Variants in SGPP2 observed in about 807,000 individuals in gnomAD.
SGPP2 encodes the protein sphingosine 1-phosphate phosphohydrolase 2.
Under a neutral mutation model 33.9 loss-of-function variants are expected in SGPP2, and 30 were observed. The ratio of observed to expected loss-of-function variants is 0.89; its 90% CI spans 0.66 to 1.20. The LOEUF is 1.20. SGPP2 is among the 50% of genes most tolerant of loss of function. The pLI is 0.00. For missense variants in SGPP2, 458 were observed against 532.1 expected (o/e 0.86, Z 1.37); for synonymous variants, 233 against 225.0 (o/e 1.04, Z -0.32).
chr2:222,561,937 C>T lies in SGPP2; in HGVS notation c.*3039C>T, dbSNP rs1338349820. ...TGTTAAATCCTCTCTCTGTCTCAGA[C>T]CATTGCTTGCCCCTTCAAAGGGTAT... On this transcript the variant is annotated 3_prime_UTR_variant, in exon 5 of 5. Transcript: ENST00000321276. Among the ~76,000 whole-genome samples, 1 of 152,094 alleles carries T rather than the reference C, an allele frequency of 6.6e-6. No homozygotes were observed. The highest frequency in any genetic ancestry group is 2.4e-5 in the African/African-American group (1 of 41,406).
At chr2:222,473,608 G>T (rs771485046) in intron 1 of SGPP2, among the ~76,000 whole-genome samples, 64 of 152,286 alleles carry the variant, frequency 4.2e-4, no homozygotes, top group Non-Finnish European at 7.2e-4. Flanking sequence ...GGATAGCACA[G>T]TAGGGTGACT....
intron 2 of SGPP2, among the ~76,000 whole-genome samples, chr2:222,500,886 C>T (rs1207082451): frequency 6.6e-6 from 1 of 152,202 alleles, no homozygotes; most frequent in Non-Finnish European, 1.5e-5. Context: ...GGTGCTTCCC[C>T]CTACGTGTGT....
intron 1 of SGPP2, among the ~76,000 whole-genome samples, chr2:222,440,352 GT>G (rs11447582): frequency 1.3e-5 from 2 of 149,632 alleles, no homozygotes; most frequent in Non-Finnish European, 3.0e-5. Flanking sequence ...TTTTGTTTTT[GT>G]TTTTTTTTGA....
chr2:222,454,904 T>C (rs1697548815), intron 1 of SGPP2, among the ~76,000 whole-genome samples: 1 of 152,180 alleles, frequency 6.6e-6, no homozygotes, highest in African/African-American at 2.4e-5. Context: ...GCTCCACTTT[T>C]ATTTCTCTGT....
At position 222,424,758 on chromosome 2, in the gene SGPP2, C is replaced by T. The variant is rs1243086505; in HGVS notation, c.156C>T (p.Pro52=). Residue 52 remains proline, a synonymous_variant, in exon 1 of 5, where the codon CCC becomes CCT. Transcript: ENST00000321276. ...GGGTCCCCGGGGTCGAGCATCTCCCCGCAGCCAACGGCAAGGGCGGCGAGG... is the reference window on the plus strand; with the variant it reads ...GGGTCCCCGGGGTCGAGCATCTCCCTGCAGCCAACGGCAAGGGCGGCGAGG... ...AARVPGVEHL[P]AANGKGGEAP... is the part of the protein sequence containing the mutation. 1.4e-6 allele frequency: 2 copies of T among 1,410,742 alleles called. No homozygotes were observed. Among genetic ancestry groups the T allele is most frequent in the East Asian group, 3.1e-5 (1 of 32,394 alleles). 87.4% of individuals were successfully genotyped at this position (1,410,742 alleles called of 1,614,324 possible). A position where few individuals can be genotyped will look rare whatever the true frequency, so the allele number is the denominator to read the frequency against.
chr2:222,554,338 G>A (rs999604872), intron 4 of SGPP2, among the ~76,000 whole-genome samples: 5 of 152,224 alleles, frequency 3.3e-5, no homozygotes, highest in African/African-American at 1.2e-4. Context: ...CAGTGGCATA[G>A]TATTCCACTG....
intron 2 of SGPP2, among the ~76,000 whole-genome samples, chr2:222,481,957 AT>A (rs941103841): frequency 2.6e-5 from 4 of 152,188 alleles, no homozygotes; most frequent in Middle Eastern, 3.4e-3. Context: ...GGCTTTTCTG[AT>A]TATGCTGAAG....
intron 1 of SGPP2, among the ~76,000 whole-genome samples, chr2:222,463,693 T>C (rs1428527943): frequency 6.6e-6 from 1 of 152,216 alleles, no homozygotes; most frequent in Non-Finnish European, 1.5e-5. Context: ...AAGAGGGAAG[T>C]GGGAAAGCCC....
At chr2:222,430,111 A>T (rs79105622) in intron 1 of SGPP2, among the ~76,000 whole-genome samples, 7 of 152,250 alleles carry the variant, frequency 4.6e-5, no homozygotes, top group Admixed American at 2.0e-4. Context: ...CTAGAATAGA[A>T]CGATGAATAC....
chr2:222,555,272 G>A (rs1276709455), intron 4 of SGPP2, among the ~76,000 whole-genome samples: 13 of 151,970 alleles, frequency 8.6e-5, no homozygotes, highest in African/African-American at 3.1e-4. Flanking sequence ...TTCCAGTTTG[G>A]GCTGATTATT....
chr2:222,451,328 G>A (rs145568421), intron 1 of SGPP2, among the ~76,000 whole-genome samples: 1 of 152,314 alleles, frequency 6.6e-6, no homozygotes, highest in African/African-American at 2.4e-5. Flanking sequence ...AGGGCAGGTG[G>A]ATGTAATCAA....
At chr2:222,549,236 T>C (rs967737376) in intron 4 of SGPP2, among the ~76,000 whole-genome samples, 2 of 152,262 alleles carry the variant, frequency 1.3e-5, no homozygotes, top group Non-Finnish European at 2.9e-5. Context: ...CTGAATGGGT[T>C]TGTTCTCTCC....
chr2:222,443,633 G>A (rs1210023755), intron 1 of SGPP2, among the ~76,000 whole-genome samples: 1 of 152,186 alleles, frequency 6.6e-6, no homozygotes, highest in African/African-American at 2.4e-5. Flanking sequence ...TGTGCCAAGA[G>A]TAGATATTGT....
intron 1 of SGPP2, among the ~76,000 whole-genome samples, chr2:222,472,672 C>T (rs544712077): frequency 6.6e-6 from 1 of 152,162 alleles, no homozygotes; most frequent in East Asian, 1.9e-4. Flanking sequence ...AATCTTGTGG[C>T]CTTTCATTAG....
At chr2:222,428,785 CTTTTT>C (rs58239129) in intron 1 of SGPP2, among the ~76,000 whole-genome samples, 3 of 75,338 alleles carry the variant, frequency 4.0e-5, no homozygotes, top group Non-Finnish European at 4.9e-5. Flanking sequence ...ACATGGTTTT[CTTTTT>C]TTTTTTTTTT....
At chr2:222,511,367 TC>T (rs1698524470) in intron 2 of SGPP2, among the ~76,000 whole-genome samples, 1 of 152,166 alleles carries the variant, frequency 6.6e-6, no homozygotes, top group African/African-American at 2.4e-5. Flanking sequence ...ATAGGCTAAT[TC>T]CCCTTCGTGA....
chr2:222,549,314 G>T (rs908477426), intron 4 of SGPP2, among the ~76,000 whole-genome samples: 10 of 152,352 alleles, frequency 6.6e-5, no homozygotes, highest in African/African-American at 2.4e-4. Context: ...CAGGGAAGAT[G>T]TTTGGAGATA....
chr2:222,432,516 G>A (rs927078114), intron 1 of SGPP2, among the ~76,000 whole-genome samples: 3 of 152,290 alleles, frequency 2.0e-5, no homozygotes, highest in East Asian at 1.9e-4. Context: ...GCATGGGGAC[G>A]TCATCCAATT....
intron 2 of SGPP2, among the ~76,000 whole-genome samples, chr2:222,509,638 A>G (rs916476723): frequency 9.2e-5 from 14 of 152,226 alleles, no homozygotes; most frequent in African/African-American, 3.4e-4. Flanking sequence ...TTCTTCTTCT[A>G]TTCTGAAATC....
Sources: gnomAD v4.1 joint callset for allele counts (sites outside exome capture counted in the v4.1 genomes callset) on GRCh38, gnomAD v4.1.1 for gene constraint, MANE v1.5 for transcripts, NCBI Gene and HGNC (gene_info 2026-07-23, HGNC 2026-07-21) for gene names.